The following TBCK variants were observed in gnomAD, a reference collection of about 807,000 sequenced individuals.
TBCK encodes TBC1 domain containing kinase.
TBCK carries 99 observed loss-of-function variants against 113.4 expected under a neutral mutation model. The observed-to-expected ratio is 0.87, with a 90% CI of 0.74 to 1.03. The LOEUF is 1.03. TBCK is among the 50% of genes least tolerant of loss of function. The pLI, the probability that TBCK is intolerant of heterozygous loss-of-function variation, is 0.00. For missense variants in TBCK, 1,045 were observed against 1,061.3 expected, an observed-to-expected ratio of 0.98 and a Z score of 0.21; for synonymous variants, 369 against 370.8, an observed-to-expected ratio of 1.00 and a Z score of 0.05.
At chr4:106,122,589 C>T (rs1215993917) in intron 23 of TBCK, among the ~76,000 whole-genome samples, 5 of 152,208 alleles carry the variant, frequency 3.3e-5, no homozygotes, top group Non-Finnish European at 7.3e-5. Flanking sequence ...GAATTTTAGA[C>T]CAACATCCCT....
At chr4:106,057,634 G>A (rs1219744774) in intron 25 of TBCK, among the ~76,000 whole-genome samples, 3 of 151,514 alleles carry the variant, frequency 2.0e-5, no homozygotes, top group African/African-American at 7.3e-5. Context: ...CCTGACTGTG[G>A]TCCTCCCCAA....
In TBCK at chr4:106,043,410, TTTTA is replaced by T. The variant is rs566123364; in HGVS notation, c.*3156_*3159del. 1 of 152,184 alleles carries T rather than the reference TTTTA, an allele frequency of 6.6e-6. No homozygotes were observed. The highest frequency in any genetic ancestry group is 1.5e-5 in the Non-Finnish European group (1 of 68,028). The allele number at this position is 152,184 out of a possible 1,614,324, so 9.4% of individuals were successfully genotyped here. ...GTTGAAAAAAATTACCACAGGTTAT[TTTTA>T]TTTTTCTCCCTTCAAATAGATTCTA... On this transcript the variant is annotated 3_prime_UTR_variant, in exon 26 of 26. Transcript: ENST00000394708.
In TBCK at chr4:106,232,964, G is replaced by T; in HGVS notation, c.1613C>A (p.Ser538Tyr). 2 of 1,612,160 alleles carry T rather than the reference G, an allele frequency of 1.2e-6. No homozygotes were observed. Among genetic ancestry groups the T allele is most frequent in the Non-Finnish European group, 8.5e-7 (1 of 1,178,740 alleles). Reference protein sequence around the residue: ...FRRVLKAWVVSHPDLVYWQGL... With the variant: ...FRRVLKAWVVYHPDLVYWQGL... ...TTGCCAATACACAAGATCAGGATGA[G>T]ACACTACCCAGGCTTTTAATACACG... Residue 538 changes from serine (S) to tyrosine (Y), a missense_variant, in exon 17 of 26, where the codon TCT becomes TAT. Coordinates refer to ENST00000394708, the MANE Select transcript of TBCK (RefSeq NM_001163435.3).
chr4:106,307,332 G>A (rs1257641258), intron 2 of TBCK, among the ~76,000 whole-genome samples: 1 of 151,960 alleles, frequency 6.6e-6, no homozygotes, highest in African/African-American at 2.4e-5. Flanking sequence ...ATGTTACAAG[G>A]ATTAAGTTAA....
At chr4:106,144,019 T>C (rs1288199951) in intron 23 of TBCK, among the ~76,000 whole-genome samples, 1 of 152,102 alleles carries the variant, frequency 6.6e-6, no homozygotes, top group Admixed American at 6.5e-5. Flanking sequence ...CATCGCTAAT[T>C]AACAGTTTCT....
intron 25 of TBCK, among the ~76,000 whole-genome samples, chr4:106,075,176 C>T (rs1738028139): frequency 6.6e-6 from 1 of 152,160 alleles, no homozygotes; most frequent in Admixed American, 6.5e-5. Context: ...CAGATCTGTA[C>T]AGCAGACAAA....
intron 23 of TBCK, among the ~76,000 whole-genome samples, chr4:106,165,564 C>T (rs1373386607): frequency 2.0e-5 from 3 of 151,596 alleles, no homozygotes; most frequent in African/African-American, 7.2e-5. Context: ...ACATCATGTC[C>T]TTTGTACAGA....
intron 25 of TBCK, among the ~76,000 whole-genome samples, chr4:106,058,595 A>C (rs1217464075): frequency 6.6e-6 from 1 of 151,754 alleles, no homozygotes; most frequent in East Asian, 1.9e-4. Context: ...AAACAAAAAG[A>C]GAATATAAGG....
chr4:106,102,581 A>G (rs1560646635), intron 24 of TBCK, among the ~76,000 whole-genome samples: 1 of 152,074 alleles, frequency 6.6e-6, no homozygotes, highest in Non-Finnish European at 1.5e-5. Flanking sequence ...ATCATTTTAC[A>G]TAGGTTAAAA....
chr4:106,283,834 G>A (rs1272104221), intron 3 of TBCK, among the ~76,000 whole-genome samples: 1 of 151,954 alleles, frequency 6.6e-6, no homozygotes, highest in Non-Finnish European at 1.5e-5. Flanking sequence ...TATTAACATA[G>A]CAGAAAAAGT....
chr4:106,175,701 A>T (rs1751585106), intron 22 of TBCK, among the ~76,000 whole-genome samples: 1 of 152,090 alleles, frequency 6.6e-6, no homozygotes, highest in Admixed American at 6.6e-5. Context: ...AAATTTGACA[A>T]AGTAAAAATA....
chr4:106,078,874 C>T (rs1738534984), intron 25 of TBCK, among the ~76,000 whole-genome samples: 1 of 151,990 alleles, frequency 6.6e-6, no homozygotes, highest in South Asian at 2.1e-4. Context: ...GATGAACATG[C>T]AAAAATCTTC....
At chr4:106,185,023 G>A (rs751295789) in intron 22 of TBCK, among the ~76,000 whole-genome samples, 2 of 151,876 alleles carry the variant, frequency 1.3e-5, no homozygotes, top group Admixed American at 6.6e-5. Flanking sequence ...TGCAGCCATC[G>A]TTTTCTCTCT....
chr4:106,249,523 T>C (rs1003875107), intron 7 of TBCK, among the ~76,000 whole-genome samples: 5 of 152,184 alleles, frequency 3.3e-5, no homozygotes, highest in Admixed American at 6.6e-5. Flanking sequence ...CTTCAAGAAC[T>C]GACTGTATGT....
chr4:106,313,963 C>T lies in TBCK; in HGVS notation c.-30+1968G>A, dbSNP rs965437994. On this transcript the variant is annotated intron_variant, in intron 1 of 25. Transcript: ENST00000394708. ...ATTTGACCTTGATATCATAAATAATCTCCTTAGTATGGCACAGGGATCATG... is the reference window on the plus strand; with the variant it reads ...ATTTGACCTTGATATCATAAATAATTTCCTTAGTATGGCACAGGGATCATG... Among the ~76,000 whole-genome samples, 3 of 152,190 alleles carry T rather than the reference C, an allele frequency of 2.0e-5. No individual in the cohort carries two copies. The South Asian group carries it at 6.2e-4, about 31-fold the overall frequency.
intron 3 of TBCK, among the ~76,000 whole-genome samples, chr4:106,279,965 GATC>G (rs1764419222): frequency 6.6e-6 from 1 of 152,068 alleles, no homozygotes; most frequent in South Asian, 2.1e-4. Context: ...GGGACTGCTG[GATC>G]ATATGATAGC....
At chr4:106,288,663 T>C (rs1765361897) in intron 3 of TBCK, among the ~76,000 whole-genome samples, 1 of 152,202 alleles carries the variant, frequency 6.6e-6, no homozygotes, top group South Asian at 2.1e-4. Flanking sequence ...CTTCTTTTGC[T>C]CAGCGTAATA....
intron 20 of TBCK, among the ~76,000 whole-genome samples, chr4:106,196,280 T>C (rs1754227560): frequency 6.6e-6 from 1 of 151,804 alleles, no homozygotes; most frequent in African/African-American, 2.4e-5. Flanking sequence ...TCATCCTTAA[T>C]TTATAAAAGT....
At chr4:106,204,257 A>G (rs572249812) in intron 20 of TBCK, among the ~76,000 whole-genome samples, 4 of 152,220 alleles carry the variant, frequency 2.6e-5, no homozygotes, top group Admixed American at 1.3e-4. Flanking sequence ...AGCTAAAAAT[A>G]GATTATGTAA....
Sources: allele counts gnomAD v4.1 joint callset (sites outside exome capture counted in the v4.1 genomes callset), GRCh38; gene constraint gnomAD v4.1.1; transcripts MANE v1.5; gene names NCBI Gene and HGNC (gene_info 2026-07-23, HGNC 2026-07-21).